The following TIAM2 variants were observed in gnomAD, a reference collection of about 807,000 sequenced individuals.
TIAM2 encodes the protein TIAM Rac1 associated GEF 2.
TIAM2 carries 80 observed loss-of-function variants against 152.9 expected under a neutral mutation model. The ratio of observed to expected loss-of-function variants is 0.52; its 90% CI spans 0.44 to 0.63. The LOEUF is 0.63. Among genes scored for constraint, TIAM2 ranks in the 30% least tolerant of loss-of-function variants. The pLI, the probability that TIAM2 is intolerant of heterozygous loss-of-function variation, is 0.00. For missense variants in TIAM2, 1,965 were observed against 2,120.1 expected (o/e 0.93, Z 1.44); for synonymous variants, 804 against 838.0 (o/e 0.96, Z 0.70).
chr6:154,995,843 G>C lies in TIAM2; in HGVS notation c.-209+351G>C, dbSNP rs1456155410. Among the ~76,000 whole-genome samples the C allele has an allele frequency of 1.3e-5, 2 of 152,176 alleles. No homozygotes were observed. The highest frequency in any genetic ancestry group is 3.9e-4 in the East Asian group (2 of 5,162). Reference sequence around the variant, plus strand: ...CCCATCCCGGATGGGAGGAGGCGGCGCCCCGGCCTCCTGATACCGAGGTTC... The same window carrying C: ...CCCATCCCGGATGGGAGGAGGCGGCCCCCCGGCCTCCTGATACCGAGGTTC... On this transcript the variant is annotated intron_variant, in intron 1 of 26. Transcript: ENST00000682666. This position sits in a 1 kb window ranked among gnomAD's most constrained non-coding sequence, Gnocchi z 5.2.
At chr6:155,198,666 C>A (rs1352214231) in intron 14 of TIAM2, among the ~76,000 whole-genome samples, 2 of 70,360 alleles carry the variant, frequency 2.8e-5, no homozygotes, top group African/African-American at 6.7e-5. Flanking sequence ...GAGCAAATCT[C>A]AAAAAAAAAA....
At chr6:155,105,428 C>T (rs1778660530) in intron 2 of TIAM2, among the ~76,000 whole-genome samples, 1 of 152,244 alleles carries the variant, frequency 6.6e-6, no homozygotes, top group African/African-American at 2.4e-5. Flanking sequence ...GGAATTATGG[C>T]ATGAGCCATC....
At chr6:155,024,871 G>C (rs915464626) in intron 1 of TIAM2, among the ~76,000 whole-genome samples, 4 of 152,134 alleles carry the variant, frequency 2.6e-5, no homozygotes, top group African/African-American at 9.7e-5. Flanking sequence ...ATTTGTCCCT[G>C]TCAGCACTCC....
intron 2 of TIAM2, among the ~76,000 whole-genome samples, chr6:155,115,116 C>T (rs1353727337): frequency 1.3e-5 from 2 of 148,900 alleles, no homozygotes; most frequent in Non-Finnish European, 3.0e-5. Context: ...GCGTGAGCCA[C>T]TGGGCCTGGC....
intron 15 of TIAM2, among the ~76,000 whole-genome samples, chr6:155,215,297 G>A (rs1781826553): frequency 6.6e-6 from 1 of 152,216 alleles, no homozygotes; most frequent in Non-Finnish European, 1.5e-5. Flanking sequence ...AAATTTAGAA[G>A]AGGAGAGAAA....
In TIAM2 at chr6:155,043,633, C is replaced by T. The variant is rs1293658172; in HGVS notation, c.-208-46656C>T. ...TGGGTGACAGAGTGAGACCCTGTCTCAAAAAAAAAAAAAAAAAAAAAAAAG... is the reference window on the plus strand; with the variant it reads ...TGGGTGACAGAGTGAGACCCTGTCTTAAAAAAAAAAAAAAAAAAAAAAAAG... On this transcript the variant is annotated intron_variant, in intron 1 of 26. Coordinates refer to ENST00000682666, the MANE Select transcript of TIAM2 (RefSeq NM_012454.4). Among the ~76,000 whole-genome samples, 6 of 50,252 alleles carry T rather than the reference C, an allele frequency of 1.2e-4. No individual in the cohort carries two copies. In the Admixed American group the frequency reaches 1.4e-3, roughly 12 times the overall value. 33.0% of individuals were successfully genotyped at this position (50,252 alleles called of 152,430 possible). A position where few individuals can be genotyped will look rare whatever the true frequency, so the allele number is the denominator to read the frequency against.
At chr6:155,014,523 C>T (rs1778541912) in intron 1 of TIAM2, among the ~76,000 whole-genome samples, 1 of 152,094 alleles carries the variant, frequency 6.6e-6, no homozygotes, top group Admixed American at 6.6e-5. Flanking sequence ...ACATGAAACT[C>T]AATCACAAGA....
At chr6:155,142,547 C>T (rs936299376) in intron 5 of TIAM2, among the ~76,000 whole-genome samples, 33 of 152,338 alleles carry the variant, frequency 2.2e-4, no homozygotes, top group African/African-American at 7.5e-4. Flanking sequence ...TGCCCCTTTG[C>T]CCTGGTCCTC....
intron 2 of TIAM2, among the ~76,000 whole-genome samples, chr6:155,116,199 AAAC>A (rs1779007255): frequency 6.6e-6 from 1 of 152,242 alleles, no homozygotes; most frequent in African/African-American, 2.4e-5. Context: ...TAGCAAATTT[AAAC>A]TATACCAACT....
intron 1 of TIAM2, among the ~76,000 whole-genome samples, chr6:155,027,521 G>T: frequency 1.9e-5 from 2 of 104,048 alleles, no homozygotes; most frequent in Non-Finnish European, 1.8e-5. Flanking sequence ...TATATACTGT[G>T]TTACATATAC....
At chr6:155,164,765 A>ACGT (rs755785944) in intron 8 of TIAM2, among the ~76,000 whole-genome samples, 165 bp downstream of exon 8, 1 of 152,084 alleles carries the variant, frequency 6.6e-6, no homozygotes, top group Non-Finnish European at 1.5e-5. Flanking sequence ...AGGAGACCAG[A>ACGT]CGTCGTGCTG....
chr6:155,040,370 A>G (rs908447272), intron 1 of TIAM2, among the ~76,000 whole-genome samples: 1 of 152,174 alleles, frequency 6.6e-6, no homozygotes, highest in Non-Finnish European at 1.5e-5. Context: ...TAGTGACCAG[A>G]TGGCCCCATT....
intron 2 of TIAM2, among the ~76,000 whole-genome samples, chr6:155,109,770 A>G (rs1778791715): frequency 2.6e-5 from 4 of 152,180 alleles, no homozygotes; most frequent in Admixed American, 2.0e-4. Context: ...CCGAAGCCAC[A>G]GAGATGGTTA....
chr6:155,045,899 A>G (rs1777164520), intron 1 of TIAM2, among the ~76,000 whole-genome samples: 1 of 121,940 alleles, frequency 8.2e-6, no homozygotes, highest in African/African-American at 3.2e-5. Context: ...GCCAGTGGGT[A>G]CAACCTACTG....
chr6:155,015,568 AGG>A (rs1395395941), intron 1 of TIAM2, among the ~76,000 whole-genome samples: 1 of 152,178 alleles, frequency 6.6e-6, no homozygotes, highest in Non-Finnish European at 1.5e-5. Context: ...GAGGCAGAGA[AGG>A]GGACTCAGAA....
chr6:155,144,847 G>A, intron 6 of TIAM2, 69 bp downstream of exon 6: 4 of 1,484,696 alleles, frequency 2.7e-6, no homozygotes, highest in Non-Finnish European at 3.6e-6. Context: ...AACAGAAAAG[G>A]CAAAACTTGG....
intron 15 of TIAM2, chr6:155,217,231 G>T: frequency 2.2e-6 from 2 of 898,830 alleles, no homozygotes; most frequent in Non-Finnish European, 3.0e-6. Flanking sequence ...GAGAAGAGAT[G>T]CCTTTCTCCC....
chr6:155,221,110 GTTTT>G (rs35638764), intron 15 of TIAM2, among the ~76,000 whole-genome samples: 1 of 98,962 alleles, frequency 1.0e-5, no homozygotes, highest in Non-Finnish European at 2.1e-5. Context: ...CTTTCATCTT[GTTTT>G]TTTTTTTTTT....
At chr6:155,172,425 G>T (rs939358089) in intron 9 of TIAM2, among the ~76,000 whole-genome samples, 1 of 151,754 alleles carries the variant, frequency 6.6e-6, no homozygotes, top group Non-Finnish European at 1.5e-5. Flanking sequence ...TACAATTTAT[G>T]TCTTTCAAAT....
Sources: allele counts gnomAD v4.1 joint callset (sites outside exome capture counted in the v4.1 genomes callset), GRCh38; gene constraint gnomAD v4.1.1; non-coding constraint Gnocchi (gnomAD v3.1); transcripts MANE v1.5; gene names NCBI Gene and HGNC (gene_info 2026-07-23, HGNC 2026-07-21).